Variants in COPG2 observed in about 807,000 individuals in gnomAD.
COPG2 encodes the protein coat protein complex I subunit gamma 2, also known as coatomer subunit gamma-2.
Under a neutral mutation model 46.3 loss-of-function variants are expected in COPG2, and 37 were observed. The observed-to-expected ratio is 0.80, with a 90% CI of 0.61 to 1.05. The LOEUF is 1.05. Ranked by LOEUF, COPG2 falls within the 50% of genes least tolerant of loss-of-function variation. The pLI, the probability that COPG2 is intolerant of heterozygous loss-of-function variation, is 0.00. For missense variants in COPG2, 427 were observed against 387.8 expected (o/e 1.10, Z -0.85); for synonymous variants, 159 against 129.7 (o/e 1.23, Z -1.53).
At chr7:130,627,995 C>G (rs1795147637) in intron 5 of COPG2, among the ~76,000 whole-genome samples, 2 of 152,080 alleles carry the variant, frequency 1.3e-5, no homozygotes, top group Admixed American at 6.6e-5. Flanking sequence ...TAGTATACAG[C>G]CTTCATTGTC....
chr7:130,638,921 TG>T (rs1795403734), intron 5 of COPG2, among the ~76,000 whole-genome samples: 1 of 152,222 alleles, frequency 6.6e-6, no homozygotes, highest in Non-Finnish European at 1.5e-5. Context: ...GCGTAGTATC[TG>T]GGCTGAAGTG....
At chr7:130,508,465 T>G (rs1554440530) in intron 21 of COPG2, 97 bp downstream of exon 21, 1 of 658,018 alleles carries the variant, frequency 1.5e-6, no homozygotes, top group Non-Finnish European at 2.8e-6. Context: ...ATCCCTTAAG[T>G]TTATGTCAGA....
At chr7:130,512,681 G>A (rs2116333505) in intron 20 of COPG2, among the ~76,000 whole-genome samples, 1 of 151,962 alleles carries the variant, frequency 6.6e-6, no homozygotes. Context: ...AATCCTGGAG[G>A]TTTCAGTGAG....
intron 5 of COPG2, among the ~76,000 whole-genome samples, chr7:130,649,708 T>C (rs1205674716): frequency 3.3e-5 from 5 of 152,186 alleles, no homozygotes; most frequent in African/African-American, 1.2e-4. Context: ...TCTAATAGAG[T>C]CATTAACATC....
chr7:130,613,518 A>T (rs1242668087), intron 7 of COPG2, 26 bp downstream of exon 7: 19 of 1,395,130 alleles, frequency 1.4e-5, no homozygotes, highest in Non-Finnish European at 1.9e-5. Flanking sequence ...CATGCTTAAG[A>T]ACTAGGAAGC....
At chr7:130,600,149 T>C (rs1794607890) in intron 9 of COPG2, among the ~76,000 whole-genome samples, 1 of 152,236 alleles carries the variant, frequency 6.6e-6, no homozygotes, top group Admixed American at 6.5e-5. Flanking sequence ...AAGATTTTGA[T>C]GTGCATATTT....
chr7:130,616,585 G>A (rs1011966101), intron 6 of COPG2, among the ~76,000 whole-genome samples: 10 of 152,132 alleles, frequency 6.6e-5, no homozygotes, highest in African/African-American at 2.2e-4. Flanking sequence ...ACGAGACTCC[G>A]ACTCAAAAAA....
rs1554461531 is a variant in COPG2, at chr7:130,666,909, A to C, written c.111T>G (p.Thr37=). 2.6e-6 allele frequency: 4 copies of C among 1,562,450 alleles called. No homozygotes were observed. The Admixed American group carries it at 5.4e-5, about 21-fold the overall frequency. Residue 37 remains threonine (T), a synonymous_variant, in exon 3 of 24, where the codon ACT becomes ACG. Transcript: ENST00000425248. ...VLQEARIFNE[T]PINPRRCLHI... ...GCAAACATCTTCTTGGATTGATTGG[A>C]GTTTCATTGAATATACGAGCCTATG...
intron 9 of COPG2, among the ~76,000 whole-genome samples, chr7:130,591,787 G>GC (rs1554449014): frequency 1.4e-5 from 2 of 145,832 alleles, no homozygotes; most frequent in East Asian, 2.1e-4. Context: ...GGAGGGGTCA[G>GC]CCCCCCGCCC....
At chr7:130,561,463 T>A (rs928818820) in intron 11 of COPG2, among the ~76,000 whole-genome samples, 8 of 152,334 alleles carry the variant, frequency 5.3e-5, no homozygotes, top group East Asian at 1.9e-4. Context: ...TTACCATTTT[T>A]AAAAAATTAT....
intron 5 of COPG2, among the ~76,000 whole-genome samples, chr7:130,629,584 G>A (rs936026326): frequency 4.0e-5 from 6 of 151,860 alleles, no homozygotes; most frequent in Non-Finnish European, 8.8e-5. Context: ...TTAATAGAGA[G>A]GGGGTTTTGC....
chr7:130,532,764 G>A (rs1799841078), intron 20 of COPG2, among the ~76,000 whole-genome samples: 1 of 152,166 alleles, frequency 6.6e-6, no homozygotes, highest in Admixed American at 6.5e-5. Flanking sequence ...CTTGGCCACT[G>A]GATCGTGAGC....
chr7:130,567,969 A>T (rs1793830843), intron 9 of COPG2, among the ~76,000 whole-genome samples: 1 of 152,194 alleles, frequency 6.6e-6, no homozygotes, highest in African/African-American at 2.4e-5. Flanking sequence ...CCTCACTCAC[A>T]TCTCAGTAAT....
intron 9 of COPG2, chr7:130,605,174 G>A (rs1554451049): frequency 5.8e-6 from 3 of 518,724 alleles, no homozygotes; most frequent in South Asian, 4.2e-5. Flanking sequence ...CTTCAAACTA[G>A]CTACTTTCTC....
chr7:130,613,643 A>G lies in COPG2; in HGVS notation c.400-7T>C. ...TGGCTTGCAACATTGTTCCCTAATAACATTCAAAAAGAAAAAATTGTTAAG... is the reference window on the plus strand; with the variant it reads ...TGGCTTGCAACATTGTTCCCTAATAGCATTCAAAAAGAAAAAATTGTTAAG... On this transcript the variant is annotated splice_region_variant and splice_polypyrimidine_tract_variant and intron_variant, in intron 6 of 23. Transcript: ENST00000425248. The G allele has an allele frequency of 1.9e-6, 3 of 1,572,166 alleles. No homozygotes were observed. Among genetic ancestry groups the G allele is most frequent in the Non-Finnish European group, 2.6e-6 (3 of 1,152,324 alleles).
Position 130,668,695 on chromosome 7 carries a change from C to G in COPG2, c.-27G>C. On this transcript the variant is annotated 5_prime_UTR_variant, in exon 1 of 24. Transcript: ENST00000425248. ...TTGGACGACTTCCCAGCGCCCAGAC[C>G]CACCGCAACCGTCCCAGGCGCCGCA... 6 of 1,521,846 alleles carry G rather than the reference C, an allele frequency of 3.9e-6. No homozygotes were observed. The highest frequency in any genetic ancestry group is 4.2e-5 in the Admixed American group (2 of 48,066). The allele number at this position is 1,521,846 out of a possible 1,614,324, so 94.3% of individuals were successfully genotyped here. A position where few individuals can be genotyped will look rare whatever the true frequency, so the allele number is the denominator to read the frequency against.
rs1584972862 is a variant in COPG2, at chr7:130,557,826, A to AAAAAAAC, written c.1129-2695_1129-2694insGTTTTTT. Among the ~76,000 whole-genome samples the AAAAAAAC allele has an allele frequency of 2.0e-5, 3 of 147,364 alleles. No homozygotes were observed. The East Asian group carries it at 5.8e-4, about 29-fold the overall frequency. ...GAATGAAACTCCATCTCAAAAAAAA[A>AAAAAAAC]AAAAAAAAAAAATCATGCAAGAATA... On this transcript the variant is annotated intron_variant, in intron 12 of 23. Transcript: ENST00000425248.
In COPG2 at chr7:130,538,407, C is replaced by A. The variant is rs971449283; in HGVS notation, c.2149+9267G>T. The stretch of plus-strand genomic sequence containing the variant: ...GGGGAGCTTAGTGTCCGTACAGGGT[C>A]CGATGCAGAAAAGGGGAAGGAGGAA... On this transcript the variant is annotated intron_variant, in intron 20 of 23. Coordinates refer to ENST00000425248, the MANE Select transcript of COPG2 (RefSeq NM_012133.6). Among the ~76,000 whole-genome samples, 131 of 152,038 alleles carry A rather than the reference C, an allele frequency of 8.6e-4. 1 individual carries two copies. The highest frequency in any genetic ancestry group is 5.4e-3 in the South Asian group (26 of 4,798).
intron 5 of COPG2, among the ~76,000 whole-genome samples, chr7:130,618,116 A>AAAAAG: frequency 7.1e-6 from 1 of 141,800 alleles, no homozygotes; most frequent in African/African-American, 2.4e-5. Flanking sequence ...AAAAAAAAAA[A>AAAAAG]AAAGACTTTT....
Sources: allele counts gnomAD v4.1 joint callset (sites outside exome capture counted in the v4.1 genomes callset), GRCh38; gene constraint gnomAD v4.1.1; transcripts MANE v1.5; gene names NCBI Gene and HGNC (gene_info 2026-07-23, HGNC 2026-07-21).